Variants in PIEZO2 observed in about 807,000 individuals in gnomAD.
PIEZO2 encodes piezo-type mechanosensitive ion channel component 2.
Under a neutral mutation model 337.3 loss-of-function variants are expected in PIEZO2, and 172 were observed. That is an observed-to-expected ratio of 0.51 (90% CI 0.45 to 0.58). The LOEUF (loss-of-function observed/expected upper bound fraction) is 0.58, where lower values mean the gene tolerates loss of function less well. Ranked by LOEUF, PIEZO2 falls within the 20% of genes least tolerant of loss-of-function variation. The pLI is 0.00. For synonymous variants in PIEZO2, 1,251 were observed against 1,228.5 expected (o/e 1.02, Z -0.38); for missense variants, 3,028 against 3,391.3 (o/e 0.89, Z 2.66).
At chr18:10,876,238 T>C (rs2042265507) in intron 4 of PIEZO2, among the ~76,000 whole-genome samples, 1 of 152,214 alleles carries the variant, frequency 6.6e-6, no homozygotes, top group Non-Finnish European at 1.5e-5. Context: ...GAAACAGTCA[T>C]TGGTCCAGTC....
intron 4 of PIEZO2, among the ~76,000 whole-genome samples, chr18:10,904,657 C>T (rs1437639893): frequency 1.3e-5 from 2 of 152,230 alleles, no homozygotes; most frequent in African/African-American, 4.8e-5. Context: ...ACAAGAAAGC[C>T]ATGTACCAAA....
At chr18:10,712,912 A>T (rs933580244) in intron 39 of PIEZO2, among the ~76,000 whole-genome samples, 7 of 152,214 alleles carry the variant, frequency 4.6e-5, no homozygotes, top group Non-Finnish European at 8.8e-5. Context: ...CTTTCCATAA[A>T]AATATACAAT....
chr18:10,868,049 C>T (rs1036948060), intron 5 of PIEZO2, among the ~76,000 whole-genome samples: 1 of 152,134 alleles, frequency 6.6e-6, no homozygotes, highest in African/African-American at 2.4e-5. Context: ...ATGGGGAATC[C>T]TTGGATTTGT....
rs2038597601 is a variant in PIEZO2, at chr18:11,077,845, A to C, written c.65-11623T>G. ...GAATGGCTTACTAGACTGTGTTACA[A>C]AGTAGAGCATAAGTGTCATTTTTCA... On this transcript the variant is annotated intron_variant, in intron 1 of 55. Coordinates refer to ENST00000674853, the MANE Select transcript of PIEZO2 (RefSeq NM_001378183.1). This position sits in a 1 kb window ranked among gnomAD's most constrained non-coding sequence, Gnocchi z 4.8. Among the ~76,000 whole-genome samples the C allele has an allele frequency of 6.6e-6, 1 of 152,204 alleles. No homozygotes were observed. The highest frequency in any genetic ancestry group is 2.1e-4 in the South Asian group (1 of 4,828).
chr18:10,800,560 C>G (rs1428549096), intron 10 of PIEZO2, 85 bp from the exon 11 acceptor site: 1 of 1,398,308 alleles, frequency 7.2e-7, no homozygotes, highest in Non-Finnish European at 9.3e-7. Flanking sequence ...CTTCCTCCAC[C>G]CTAACTGAAC....
chr18:11,110,255 C>G lies in PIEZO2; in HGVS notation c.64+38270G>C, dbSNP rs2039691167. On this transcript the variant is annotated intron_variant, in intron 1 of 55. Transcript: ENST00000674853. This position sits in a 1 kb window ranked among gnomAD's most constrained non-coding sequence, Gnocchi z 4.2. ...ACCTCAGCGTCCCAAAGTGCTGGGA[C>G]TACAGGTGCAAGCCTCCTCATTTTT... 2.6e-5 allele frequency among the ~76,000 whole-genome samples: 4 copies of G among 152,226 alleles called. No individual in the cohort carries two copies.
rs1362631080 is a variant in PIEZO2, at chr18:11,027,792, G to A, written c.160+38335C>T. The stretch of plus-strand genomic sequence containing the variant: ...TAGTGATCTTGATCTATCATTTAGC[G>A]TTTCAGTTCAATACTGAAATTTCAG... On this transcript the variant is annotated intron_variant, in intron 2 of 55. Coordinates refer to ENST00000674853, the MANE Select transcript of PIEZO2 (RefSeq NM_001378183.1). This position sits in a 1 kb window ranked among gnomAD's most constrained non-coding sequence, Gnocchi z 4.2. Among the ~76,000 whole-genome samples, 1 of 151,644 alleles carries A rather than the reference G, an allele frequency of 6.6e-6. No homozygotes were observed. Among genetic ancestry groups the A allele is most frequent in the Non-Finnish European group, 1.5e-5 (1 of 67,998 alleles).
At chr18:11,007,916 G>A (rs971928859) in intron 2 of PIEZO2, among the ~76,000 whole-genome samples, 2 of 152,164 alleles carry the variant, frequency 1.3e-5, no homozygotes, top group Non-Finnish European at 2.9e-5. Context: ...TCTACAGGAA[G>A]AAAAGAAGAG....
At chr18:10,955,237 C>T (rs12969220) in intron 3 of PIEZO2, among the ~76,000 whole-genome samples, 1 of 152,166 alleles carries the variant, frequency 6.6e-6, no homozygotes, top group African/African-American at 2.4e-5. Context: ...CAAGATCAGC[C>T]TTAATCTCCA....
At position 11,011,430 on chromosome 18, in the gene PIEZO2, A is replaced by G. The variant is rs921380498; in HGVS notation, c.161-31770T>C. On this transcript the variant is annotated intron_variant, in intron 2 of 55. Coordinates refer to ENST00000674853, the MANE Select transcript of PIEZO2 (RefSeq NM_001378183.1). ...GTAAATTGAAGCCAAAATGCATGTT[A>G]ATCCTTCTCCTTTGGTGTATATTTA... is the stretch of plus-strand genomic sequence containing the variant. 7.2e-5 allele frequency among the ~76,000 whole-genome samples: 11 copies of G among 152,168 alleles called. No homozygotes were observed. The South Asian group carries it at 8.3e-4, about 11-fold the overall frequency.
At chr18:10,697,094 C>A (rs970170856) in intron 45 of PIEZO2, among the ~76,000 whole-genome samples, 2 of 152,154 alleles carry the variant, frequency 1.3e-5, no homozygotes, top group Non-Finnish European at 2.9e-5. Context: ...ACTCCCCTGG[C>A]CTTTTATCTA....
chr18:11,103,902 T>C (rs1020236883), intron 1 of PIEZO2, among the ~76,000 whole-genome samples: 1 of 152,044 alleles, frequency 6.6e-6, no homozygotes, highest in Admixed American at 6.6e-5. Context: ...CTCGGCTCAC[T>C]GCAACCTCAG....
intron 3 of PIEZO2, among the ~76,000 whole-genome samples, chr18:10,939,145 T>C (rs1025608492): frequency 5.9e-5 from 9 of 152,164 alleles, no homozygotes; most frequent in Non-Finnish European, 1.2e-4. Flanking sequence ...AAAGTGGGAG[T>C]TTTCATAAAT....
In PIEZO2 at chr18:11,102,655, C is replaced by A. The variant is rs1340109066; in HGVS notation, c.65-36433G>T. On this transcript the variant is annotated intron_variant, in intron 1 of 55. Transcript: ENST00000674853. The surrounding 1 kb of genome is among the most constrained non-coding windows in gnomAD (Gnocchi z 5.7). ...TTGGAGCACCCCACTTCCCATTGGG[C>A]CCCCAGTGATCTGTCTCCAGAGGGA... 6.6e-6 allele frequency among the ~76,000 whole-genome samples: 1 copy of A among 152,190 alleles called. No homozygotes were observed. Among genetic ancestry groups the A allele is most frequent in the Non-Finnish European group, 1.5e-5 (1 of 68,028 alleles).
rs1474663688 is a variant in PIEZO2, at chr18:10,832,924, T to C, written c.917+22429A>G. The stretch of plus-strand genomic sequence containing the variant: ...TGAAAAACACTGGTGGGCAGGTCCC[T>C]AGGCTGGAGGAGCCCACGTTTCCGC... On this transcript the variant is annotated intron_variant, in intron 7 of 55. Coordinates refer to ENST00000674853, the MANE Select transcript of PIEZO2 (RefSeq NM_001378183.1). Among the ~76,000 whole-genome samples the C allele has an allele frequency of 3.9e-5, 6 of 152,066 alleles. No individual in the cohort carries two copies. In the East Asian group the frequency reaches 1.2e-3, roughly 29 times the overall value.
In PIEZO2 at chr18:10,704,446, GA is replaced by G; in HGVS notation, c.6205del (p.Ser2069ProfsTer11). The G allele has an allele frequency of 1.3e-6, 2 of 1,537,232 alleles. No homozygotes were observed. The highest frequency in any genetic ancestry group is 1.7e-6 in the Non-Finnish European group (2 of 1,146,914). On this transcript the variant is annotated frameshift_variant, in exon 42 of 56. Coordinates refer to ENST00000674853, the MANE Select transcript of PIEZO2 (RefSeq NM_001378183.1). LOFTEE classifies it high-confidence loss of function. ...PILIFLWAML[S>X]VPRPSRRFWM... ...GAACCGGCGGCTGGGCCTGGGGACG[GA>G]CAACATGGCCCAGAGGAAGATGAGG...
In PIEZO2 at chr18:11,143,688, C is replaced by T. The variant is rs116168843; in HGVS notation, c.64+4837G>A. 3.9e-3 allele frequency among the ~76,000 whole-genome samples: 586 copies of T among 150,332 alleles called. 3 individuals are homozygous for T. Among genetic ancestry groups the T allele is most frequent in the African/African-American group, 0.013 (540 of 41,176 alleles). ...TCTCTCTCTCACTCTCTCTCTCTCA[C>T]ATAATTTGGCTCTAGGAAGGCACTA... On this transcript the variant is annotated intron_variant, in intron 1 of 55. Transcript: ENST00000674853. This position sits in a 1 kb window ranked among gnomAD's most constrained non-coding sequence, Gnocchi z 4.9.
chr18:11,072,855 G>T (rs972971540), intron 1 of PIEZO2, among the ~76,000 whole-genome samples: 1 of 152,136 alleles, frequency 6.6e-6, no homozygotes, highest in African/African-American at 2.4e-5. Context: ...GCCGGGCTAG[G>T]ATTACAGGTA....
At position 10,735,328 on chromosome 18, in the gene PIEZO2, T is replaced by G. The variant is rs2036952973; in HGVS notation, c.4818A>C (p.Arg1606Ser). ...TGGCTGATGCAAACTTCCCAATAGC[T>G]CTCTACAAAGAAGGACAAAGCAAGA... ...EEPPRRSAFQRAIGKFASAIL... is the reference protein window; with the variant it reads ...EEPPRRSAFQSAIGKFASAIL... Residue 1606 changes from arginine (R) to serine (S), a missense_variant and splice_region_variant, in exon 35 of 56, where the codon AGA (arginine) becomes AGC (serine). Physicochemically the swap from Arg to Ser is moderately radical, Grantham distance 110 (BLOSUM62 -1). Around this residue, in one of 5 missense-constraint regions of PIEZO2, gnomAD observed 1,925 missense variants for 2,051.9 expected, o/e 0.94. Coordinates refer to ENST00000674853, the MANE Select transcript of PIEZO2 (RefSeq NM_001378183.1). Among the ~76,000 whole-genome samples, 1 of 152,114 alleles carries G rather than the reference T, an allele frequency of 6.6e-6. No individual in the cohort carries two copies. The highest frequency in any genetic ancestry group is 1.5e-5 in the Non-Finnish European group (1 of 68,038).
Sources: gnomAD v4.1 joint callset for allele counts (sites outside exome capture counted in the v4.1 genomes callset) on GRCh38, gnomAD v4.1.1 for gene constraint, gnomAD v4.1.1 regional missense constraint, Gnocchi (gnomAD v3.1) non-coding constraint, MANE v1.5 for transcripts, NCBI Gene and HGNC (gene_info 2026-07-23, HGNC 2026-07-21) for gene names.